HUWE1: variants seen among roughly 807,000 people sequenced by gnomAD.
The protein encoded by HUWE1 is E3 ubiquitin-protein ligase HUWE1.
HUWE1 carries 18 observed loss-of-function variants against 299.4 expected under a neutral mutation model. The observed-to-expected ratio is 0.06, with a 90% confidence interval of 0.04 to 0.09. HUWE1 has a LOEUF of 0.09. Among genes scored for constraint, HUWE1 ranks in the 10% least tolerant of loss-of-function variants. The pLI, the probability that HUWE1 is intolerant of heterozygous loss-of-function variation, is 1.00. For synonymous variants in HUWE1, 1,317 were observed against 1,286.1 expected (o/e 1.02, Z -0.51); for missense variants, 1,832 against 3,462.3 (o/e 0.53, Z 11.82).
rs376037241 is a variant in HUWE1 at position 53,609,836 on chromosome X, T to C, written c.2262-927A>G. 7.2e-5 allele frequency among the ~76,000 whole-genome samples: 8 copies of C among 111,855 alleles called. No homozygotes were observed. In the South Asian group the frequency reaches 3.0e-3, roughly 42 times the overall value. ...GACAAGAAAGTTGGCAAGAAGCTAG[T>C]AGTTCTCATCTTTGAGCAAGACAAA... On this transcript the variant is annotated intron_variant, in intron 23 of 83. Coordinates refer to ENST00000262854, the MANE Select transcript of HUWE1 (RefSeq NM_031407.7).
rs782001447 is a variant in HUWE1 at position 53,534,627 on chromosome X, G to C, written c.12720C>G (p.Ser4240=). ...FYEIIPKRLI[S]IFTEQELELL... ...GCTCTAACTCCTGCTCAGTGAAGAT[G>C]GAAATGAGGCGCTTTGGAATGATCT... is the stretch of plus-strand genomic sequence containing the variant. Residue 4240 remains serine, a synonymous_variant, in exon 82 of 84, where the codon TCC becomes TCG. Transcript: ENST00000262854. 8.3e-7 allele frequency: 1 copy of C among 1,210,878 alleles called. No individual in the cohort carries two copies. The highest frequency in any genetic ancestry group is 2.2e-5 in the Admixed American group (1 of 46,002).
In HUWE1 at chrX:53,551,416, C is replaced by T; in HGVS notation, c.8946G>A (p.Arg2982=). ...FLAALPDDIR[R]EVLQNQLGIR... The stretch of plus-strand genomic sequence containing the variant: ...TGCCTAGCTGGTTCTGTAGAACTTC[C>T]CGACGGATGTCATCAGGCAGGGCAG... Residue 2982 remains arginine (R), a synonymous_variant, in exon 64 of 84, where the codon CGG becomes CGA. Transcript: ENST00000262854. 1 of 1,209,201 alleles carries T rather than the reference C, an allele frequency of 8.3e-7. No individual in the cohort carries two copies. The highest frequency in any genetic ancestry group is 1.1e-6 in the Non-Finnish European group (1 of 894,167).
At chrX:53,641,676 G>A (rs781992816) in intron 7 of HUWE1, among the ~76,000 whole-genome samples, 1 of 111,354 alleles carries the variant, frequency 9.0e-6, no homozygotes, top group South Asian at 3.7e-4. Flanking sequence ...CACATAAGAT[G>A]GGAAAGGGAA....
intron 67 of HUWE1, 37 bp from the exon 68 acceptor site, chrX:53,548,310 G>A (rs1556925250): frequency 1.6e-5 from 19 of 1,196,520 alleles, no homozygotes; most frequent in East Asian, 3.0e-5. Flanking sequence ...GGTCTAGGAC[G>A]TCTTCACAGA....
Position 53,581,235 on chromosome X carries a change from G to A in HUWE1, c.5521-209C>T, listed in dbSNP as rs782649655. 1.1e-4 allele frequency among the ~76,000 whole-genome samples: 12 copies of A among 112,089 alleles called. 1 individual carries two copies. The East Asian group carries it at 3.3e-3, about 31-fold the overall frequency. On this transcript the variant is annotated intron_variant, in intron 42 of 83. Transcript: ENST00000262854. ...AAACTATCAATTATTAGACCAGACTGCATGTGATCTTTATAGAAACTGGGA... is the reference window on the plus strand; with the variant it reads ...AAACTATCAATTATTAGACCAGACTACATGTGATCTTTATAGAAACTGGGA...
chrX:53,557,146 C>G (rs781968866), intron 60 of HUWE1: 1 of 507,387 alleles, frequency 2.0e-6, no homozygotes, highest in African/African-American at 2.3e-5. Flanking sequence ...AGATAATAAC[C>G]AGAACAAGAA....
At chrX:53,565,323 T>C in intron 49 of HUWE1, 84 bp from the exon 50 acceptor site, 1 of 852,695 alleles carries the variant, frequency 1.2e-6, no homozygotes, top group Non-Finnish European at 1.7e-6. Flanking sequence ...CTTCTTACAA[T>C]GGAATCTACT....
At chrX:53,643,355 C>CT (rs797024550) in intron 7 of HUWE1, among the ~76,000 whole-genome samples, 92 of 103,590 alleles carry the variant, frequency 8.9e-4, no homozygotes, top group South Asian at 2.9e-3. Flanking sequence ...CAATCATTTT[C>CT]TTTTTTTTTT....
At chrX:53,578,628 T>A (rs1367751338) in intron 43 of HUWE1, among the ~76,000 whole-genome samples, 2 of 52,556 alleles carry the variant, frequency 3.8e-5, no homozygotes, top group African/African-American at 7.9e-5. Context: ...GGGAGGGAGG[T>A]GGGGGAGTCA....
chrX:53,665,841 C>CCTACAATT (rs2149475131), intron 3 of HUWE1, among the ~76,000 whole-genome samples: 1 of 111,829 alleles, frequency 8.9e-6, no homozygotes, highest in South Asian at 3.8e-4. Flanking sequence ...CTAGTCTACA[C>CCTACAATT]CTTAAGAATT....
Position 53,573,740 on chromosome X carries a change from G to A in HUWE1, c.6312+10C>T, listed in dbSNP as rs782163226. On this transcript the variant is annotated intron_variant, in intron 47 of 83. Coordinates refer to ENST00000262854, the MANE Select transcript of HUWE1 (RefSeq NM_031407.7). The stretch of plus-strand genomic sequence containing the variant: ...AGTGTAACATCTTAAATAGAAGTTG[G>A]AAATATTACCTCTTTGATCAGTTCA... 5 of 1,185,277 alleles carry A rather than the reference G, an allele frequency of 4.2e-6. No individual in the cohort carries two copies. Among genetic ancestry groups the A allele is most frequent in the Non-Finnish European group, 4.6e-6 (4 of 871,160 alleles).
Position 53,539,661 on chromosome X carries a change from C to T in HUWE1, c.11628G>A (p.Val3876=), listed in dbSNP as rs2146985338. The part of the protein sequence containing the change: ...ELEESHDQHA[V]LVLQPAVEAF... ...GGCCTTTAGGACACAACTCACCTAG[C>T]ACCGCATGCTGGTCATGGGATTCCT... is the stretch of plus-strand genomic sequence containing the variant. Residue 3876 remains valine (V), a synonymous_variant, in exon 75 of 84, where the codon GTG becomes GTA. Coordinates refer to ENST00000262854, the MANE Select transcript of HUWE1 (RefSeq NM_031407.7). 8.3e-7 allele frequency: 1 copy of T among 1,209,824 alleles called. No homozygotes were observed. The highest frequency in any genetic ancestry group is 1.1e-6 in the Non-Finnish European group (1 of 894,986).
chrX:53,546,622 C>T, intron 69 of HUWE1, 30 bp from the exon 70 acceptor site: 1 of 1,209,043 alleles, frequency 8.3e-7, no homozygotes, highest in South Asian at 1.8e-5. Flanking sequence ...AGGAGTAAGC[C>T]CCAGCCTGAG....
intron 78 of HUWE1, 127 bp downstream of exon 78, chrX:53,537,429 T>C: frequency 1.4e-6 from 1 of 728,322 alleles, no homozygotes; most frequent in Non-Finnish European, 2.1e-6. Flanking sequence ...TAAAACCAGA[T>C]TCCTATGGGG....
intron 21 of HUWE1, 96 bp from the exon 22 acceptor site, chrX:53,615,931 C>A: frequency 1.6e-6 from 1 of 623,690 alleles, no homozygotes; most frequent in Non-Finnish European, 2.6e-6. Context: ...AAAGAAGAAA[C>A]TGAGCCTGGT....
chrX:53,628,388 CTTATAT>C (rs1422277109), intron 15 of HUWE1, 99 bp downstream of exon 15: 4 of 861,756 alleles, frequency 4.6e-6, no homozygotes, highest in Non-Finnish European at 6.4e-6. Context: ...GATAAGCTTT[CTTATAT>C]TATTTGCCCT....
chrX:53,680,414 CTG>C (rs1185494056), intron 2 of HUWE1: 1 of 195,861 alleles, frequency 5.1e-6, no homozygotes, highest in Non-Finnish European at 9.3e-6. Flanking sequence ...TTCCTGAAAA[CTG>C]AGTTCTCAAC....
At chrX:53,606,990 A>C (rs1556997271) in intron 25 of HUWE1, among the ~76,000 whole-genome samples, 1 of 111,738 alleles carries the variant, frequency 8.9e-6, no homozygotes, top group African/African-American at 3.3e-5. Flanking sequence ...CACTATGAAA[A>C]AATAAAGAAG....
Position 53,575,884 on chromosome X carries a change from T to A in HUWE1, c.5885-96A>T, listed in dbSNP as rs1232157308. The A allele has an allele frequency of 6.6e-6, 6 of 906,580 alleles. No homozygotes were observed. In the African/African-American group the frequency reaches 9.8e-5, roughly 15 times the overall value. The allele number at this position is 906,580 out of a possible 1,213,427, so 74.7% of individuals were successfully genotyped here. On this transcript the variant is annotated intron_variant, in intron 44 of 83. Coordinates refer to ENST00000262854, the MANE Select transcript of HUWE1 (RefSeq NM_031407.7). ...CTAGTCAGTCTTGGTCAATTTCACA[T>A]CAAGTGGCTATGACTGTTTACATGG...
Sources: allele counts gnomAD v4.1 joint callset (sites outside exome capture counted in the v4.1 genomes callset), GRCh38; gene constraint gnomAD v4.1.1; transcripts MANE v1.5; gene names NCBI Gene and HGNC (gene_info 2026-07-23, HGNC 2026-07-21).